The following CTNNA2 variants were observed in gnomAD, a reference collection of about 807,000 sequenced individuals.
CTNNA2 encodes catenin alpha-2.
Under a neutral mutation model 101.0 loss-of-function variants are expected in CTNNA2, and 42 were observed. That is an observed-to-expected ratio of 0.42 (90% CI 0.32 to 0.54). The LOEUF is 0.54. CTNNA2 is among the 20% of genes least tolerant of loss of function. CTNNA2 has a pLI of 0.14. For synonymous variants in CTNNA2, 450 were observed against 456.4 expected (o/e 0.99, Z 0.18); for missense variants, 871 against 1,223.1 (o/e 0.71, Z 4.29).
At chr2:79,221,340 A>G (rs562284122) in intron 2 of CTNNA2, among the ~76,000 whole-genome samples, 1 of 152,158 alleles carries the variant, frequency 6.6e-6, no homozygotes, top group Admixed American at 6.5e-5. Flanking sequence ...TTTTGCAGAG[A>G]TGGAGCCTTG....
At chr2:79,933,421 G>A (rs1687579510) in intron 7 of CTNNA2, among the ~76,000 whole-genome samples, 1 of 151,302 alleles carries the variant, frequency 6.6e-6, no homozygotes, top group Admixed American at 6.6e-5. Context: ...CAAAGAGGCT[G>A]AAATTCAAAT....
Position 79,245,059 on chromosome 2 carries a change from C to T in CTNNA2, c.-406+46983C>T, listed in dbSNP as rs1366587703. ...GCAGTGAGCTGAAATCACACCATTA[C>T]ACTCCAGCCTGGACAACAAGAGTGA... On this transcript the variant is annotated intron_variant, in intron 2 of 21. Coordinates refer to the CTNNA2 transcript ENST00000466387. Among the ~76,000 whole-genome samples, 4 of 151,334 alleles carry T rather than the reference C, an allele frequency of 2.6e-5. No homozygotes were observed. The East Asian group carries it at 5.8e-4, about 22-fold the overall frequency.
intron 1 of CTNNA2, among the ~76,000 whole-genome samples, chr2:79,631,731 A>T (rs72822515): frequency 0.055 from 8,409 of 152,294 alleles, 327 homozygotes; most frequent in Non-Finnish European, 0.079. Flanking sequence ...GCAGAAAAAA[A>T]GTACGTAGTT....
chr2:80,434,394 G>A (rs1483193812), intron 9 of CTNNA2, among the ~76,000 whole-genome samples: 4 of 151,714 alleles, frequency 2.6e-5, no homozygotes, highest in African/African-American at 9.7e-5. Context: ...TTTTCATTCT[G>A]GAAAACTATG....
intron 3 of CTNNA2, among the ~76,000 whole-genome samples, chr2:79,833,610 C>A (rs1170154727): frequency 6.6e-6 from 1 of 152,132 alleles, no homozygotes; most frequent in African/African-American, 2.4e-5. Flanking sequence ...CGATTTCTTG[C>A]TCCTCATGGC....
At chr2:79,757,913 C>T (rs1672503390) in intron 3 of CTNNA2, among the ~76,000 whole-genome samples, 3 of 152,300 alleles carry the variant, frequency 2.0e-5, no homozygotes, top group African/African-American at 7.2e-5. Context: ...ACCTAGCACA[C>T]CTCAGACTTG....
At chr2:80,361,627 A>G (rs1353714454) in intron 7 of CTNNA2, among the ~76,000 whole-genome samples, 2 of 152,118 alleles carry the variant, frequency 1.3e-5, no homozygotes, top group Admixed American at 6.6e-5. Flanking sequence ...CACGGTCACA[A>G]CTAGAAAAAT....
intron 7 of CTNNA2, among the ~76,000 whole-genome samples, chr2:80,210,880 G>T (rs537946102): frequency 5.3e-5 from 8 of 152,222 alleles, no homozygotes; most frequent in African/African-American, 1.7e-4. Context: ...AGCTCCTGTT[G>T]TCTCCTGACT....
At chr2:79,615,061 A>G (rs1259287714) in intron 1 of CTNNA2, among the ~76,000 whole-genome samples, 1 of 152,150 alleles carries the variant, frequency 6.6e-6, no homozygotes, top group Non-Finnish European at 1.5e-5. Context: ...TTTTCATTAT[A>G]TTTGTTGATA....
chr2:80,233,961 G>T (rs191605676), intron 7 of CTNNA2, among the ~76,000 whole-genome samples: 1 of 152,176 alleles, frequency 6.6e-6, no homozygotes, highest in Non-Finnish European at 1.5e-5. Flanking sequence ...TAAAATATGT[G>T]TTAGCTAGTA....
intron 2 of CTNNA2, among the ~76,000 whole-genome samples, chr2:79,216,271 GAGA>G (rs916677775): frequency 6.6e-6 from 1 of 151,946 alleles, no homozygotes; most frequent in East Asian, 1.9e-4. Flanking sequence ...CAGGCTAAGG[GAGA>G]AGAAGGAGGA....
At chr2:79,636,642 G>A (rs532453863) in intron 1 of CTNNA2, among the ~76,000 whole-genome samples, 2 of 152,244 alleles carry the variant, frequency 1.3e-5, no homozygotes, top group South Asian at 2.1e-4. Flanking sequence ...GATAAGGAAT[G>A]TGTGATCATT....
intron 1 of CTNNA2, among the ~76,000 whole-genome samples, chr2:79,637,533 T>C (rs575648261): frequency 6.6e-6 from 1 of 152,324 alleles, no homozygotes; most frequent in South Asian, 2.1e-4. Flanking sequence ...ACCTTCCATA[T>C]TGGATTAGAT....
intron 1 of CTNNA2, among the ~76,000 whole-genome samples, chr2:79,648,811 C>T (rs999754996): frequency 6.6e-6 from 1 of 152,094 alleles, no homozygotes; most frequent in Non-Finnish European, 1.5e-5. Context: ...AGACAGAATT[C>T]CTGGTTTTAG....
intron 2 of CTNNA2, among the ~76,000 whole-genome samples, chr2:79,283,005 C>A (rs1675441282): frequency 1.1e-5 from 1 of 88,308 alleles, no homozygotes; most frequent in Non-Finnish European, 2.7e-5. Context: ...TCTCTGATGG[C>A]CAGTGATGAT....
chr2:80,626,545 T>C (rs992424329), intron 18 of CTNNA2, among the ~76,000 whole-genome samples: 2 of 152,078 alleles, frequency 1.3e-5, no homozygotes, highest in Non-Finnish European at 2.9e-5. Flanking sequence ...ATGTTTTAGC[T>C]CAGCACATTG....
intron 1 of CTNNA2, among the ~76,000 whole-genome samples, chr2:79,513,449 C>G (rs1671638864): frequency 6.6e-6 from 1 of 152,160 alleles, no homozygotes; most frequent in African/African-American, 2.4e-5. Context: ...TGCAGCCACT[C>G]GCCCTAGAGC....
At chr2:80,419,364 G>C in intron 8 of CTNNA2, 85 bp from the exon 9 acceptor site, 1 of 1,065,066 alleles carries the variant, frequency 9.4e-7, no homozygotes, top group Non-Finnish European at 1.4e-6. Context: ...TGGGTAATGA[G>C]AGCTCAAAAA....
At chr2:79,349,630 T>A (rs529829520) in intron 3 of CTNNA2, among the ~76,000 whole-genome samples, 1 of 152,194 alleles carries the variant, frequency 6.6e-6, no homozygotes, top group Non-Finnish European at 1.5e-5. Flanking sequence ...GTAGTTATAG[T>A]ATAATAGCCA....
Sources: gnomAD v4.1 joint callset for allele counts (sites outside exome capture counted in the v4.1 genomes callset) on GRCh38, gnomAD v4.1.1 for gene constraint, MANE v1.5 for transcripts, NCBI Gene and HGNC (gene_info 2026-07-23, HGNC 2026-07-21) for gene names.